Variants in BUB1 observed in about 807,000 individuals in gnomAD.
BUB1 encodes the protein mitotic checkpoint serine/threonine-protein kinase BUB1.
Under a neutral mutation model 135.2 loss-of-function variants are expected in BUB1, and 84 were observed. The ratio of observed to expected loss-of-function variants is 0.62; its 90% CI spans 0.52 to 0.74. BUB1 has a LOEUF of 0.74. BUB1 is among the 30% of genes least tolerant of loss of function. BUB1 has a pLI of 0.00. For synonymous variants in BUB1, 403 were observed against 434.4 expected, an observed-to-expected ratio of 0.93 and a Z score of 0.90; for missense variants, 1,162 against 1,288.3, an observed-to-expected ratio of 0.90 and a Z score of 1.50.
chr2:110,643,921 A>G (rs1173365245), intron 19 of BUB1, among the ~76,000 whole-genome samples: 2 of 152,050 alleles, frequency 1.3e-5, no homozygotes, highest in East Asian at 3.9e-4. Flanking sequence ...AGAAGCAAAA[A>G]AAGGTGCTAG....
intron 9 of BUB1, 185 bp downstream of exon 9, chr2:110,666,076 TTC>T: frequency 2.1e-6 from 1 of 469,074 alleles, no homozygotes; most frequent in South Asian, 1.1e-4. Flanking sequence ...CATACTACCA[TTC>T]TGTTTTGTAA....
At chr2:110,656,026 A>G (rs1689925804) in intron 15 of BUB1, 110 bp from the exon 16 acceptor site, 26 of 1,050,142 alleles carry the variant, frequency 2.5e-5, no homozygotes, top group Admixed American at 6.8e-5. Flanking sequence ...AAGAAGAAAC[A>G]GATGTCAACC....
rs1574311739 is a variant in BUB1 at position 110,638,779 on chromosome 2, T to G, written c.3063-620A>C. Among the ~76,000 whole-genome samples, 4 of 152,354 alleles carry G rather than the reference T, an allele frequency of 2.6e-5. 1 individual carries two copies. The South Asian group carries it at 8.3e-4, about 32-fold the overall frequency. On this transcript the variant is annotated intron_variant, in intron 24 of 24. Coordinates refer to ENST00000302759, the MANE Select transcript of BUB1 (RefSeq NM_004336.5). ...ATGAAACTATCTGTTCCTTCAATTT[T>G]GAGCCAAAGATGGAATAAAGTATTT...
At chr2:110,654,607 T>C (rs1345793320) in intron 16 of BUB1, among the ~76,000 whole-genome samples, 1 of 151,898 alleles carries the variant, frequency 6.6e-6, no homozygotes, top group Non-Finnish European at 1.5e-5. Context: ...ATTAAACTAC[T>C]TTTCCTGGAT....
At chr2:110,653,344 A>G in intron 17 of BUB1, 92 bp downstream of exon 17, 1 of 1,317,628 alleles carries the variant, frequency 7.6e-7, no homozygotes, top group Non-Finnish European at 1.1e-6. Flanking sequence ...GTATTCTATT[A>G]CAGCCTAAAA....
At chr2:110,667,768 T>A in intron 7 of BUB1, 29 bp downstream of exon 7, 1 of 1,610,680 alleles carries the variant, frequency 6.2e-7, no homozygotes, top group Non-Finnish European at 8.5e-7. Context: ...AGGAAACTAA[T>A]AATAGATTAA....
chr2:110,651,806 A>C (rs1405818391), intron 17 of BUB1, among the ~76,000 whole-genome samples: 1 of 152,150 alleles, frequency 6.6e-6, no homozygotes, highest in African/African-American at 2.4e-5. Flanking sequence ...ACAAATTCTT[A>C]CACCACTCTG....
chr2:110,641,529 A>G, intron 21 of BUB1, 65 bp from the exon 22 acceptor site: 1 of 1,558,972 alleles, frequency 6.4e-7, no homozygotes, highest in Non-Finnish European at 8.7e-7. Flanking sequence ...TCAAATTGAG[A>G]GCTTTGCCCC....
At chr2:110,646,998 A>G (rs573607453) in intron 19 of BUB1, among the ~76,000 whole-genome samples, 1 of 152,312 alleles carries the variant, frequency 6.6e-6, no homozygotes, top group African/African-American at 2.4e-5. Context: ...AGAAATAGAT[A>G]ATCTGAACAG....
intron 4 of BUB1, 113 bp downstream of exon 4, chr2:110,672,548 T>C: frequency 8.6e-7 from 1 of 1,165,282 alleles, no homozygotes; most frequent in Non-Finnish European, 1.2e-6. Flanking sequence ...ATTATCCACA[T>C]TGTCCAAAAC....
At chr2:110,641,241 C>A in intron 22 of BUB1, 36 bp from the exon 23 acceptor site, 1 of 1,586,040 alleles carries the variant, frequency 6.3e-7, no homozygotes, top group Non-Finnish European at 8.6e-7. Flanking sequence ...GCTGCATGAG[C>A]ACAAATGATG....
chr2:110,655,739 C>T lies in BUB1; in HGVS notation c.1876G>A (p.Glu626Lys). 6.2e-7 allele frequency: 1 copy of T among 1,612,590 alleles called. No individual in the cohort carries two copies. Among genetic ancestry groups the T allele is most frequent in the Non-Finnish European group, 8.5e-7 (1 of 1,178,882 alleles). The change falls in exon 16 of 25, where the codon GAA (glutamate) becomes AAA (lysine). Residue 626 changes from glutamate to lysine, a missense_variant and splice_region_variant. Coordinates refer to ENST00000302759, the MANE Select transcript of BUB1 (RefSeq NM_004336.5). The stretch of plus-strand genomic sequence containing the variant: ...GACACTAAAACAGTGTAACACACAC[C>T]TTTATCTTCTAAAATGTGCACTGAC... ...VESVHILEDK[E>K]NVVAKQCTQA...
intron 1 of BUB1, 53 bp downstream of exon 1, chr2:110,677,917 C>A: frequency 6.3e-7 from 1 of 1,579,048 alleles, no homozygotes; most frequent in South Asian, 1.1e-5. Context: ...CGGGCCCGAA[C>A]CCCAGGCGCC....
At chr2:110,675,816 T>C (rs1690564949) in intron 1 of BUB1, among the ~76,000 whole-genome samples, 1 of 152,152 alleles carries the variant, frequency 6.6e-6, no homozygotes. Flanking sequence ...CATGTCTGGC[T>C]AATTTTTTAT....
intron 5 of BUB1, among the ~76,000 whole-genome samples, chr2:110,670,126 G>GTTTTTTTTTTTTTTTTT (rs377459142): frequency 8.3e-6 from 1 of 120,860 alleles, no homozygotes; most frequent in African/African-American, 3.1e-5. Context: ...AATTGGATGG[G>GTTTTTTTTTTTTTTTTT]TTTTTTTTTT....
At chr2:110,646,630 C>T (rs796915905) in intron 19 of BUB1, among the ~76,000 whole-genome samples, 40 of 152,210 alleles carry the variant, frequency 2.6e-4, no homozygotes, top group African/African-American at 9.1e-4. Context: ...GTAAAGTCCC[C>T]CAAATACTTG....
chr2:110,639,771 T>G lies in BUB1; in HGVS notation c.3033A>C (p.Gly1011=). Residue 1011 remains glycine, a synonymous_variant, in exon 24 of 25, where the codon GGA becomes GGC. Coordinates refer to ENST00000302759, the MANE Select transcript of BUB1 (RefSeq NM_004336.5). ...TAAAAAGACCTTCAGGCTTACACTCTCCTCCTTCATTTTTCACTTTCATGT... is the reference window on the plus strand; with the variant it reads ...TAAAAAGACCTTCAGGCTTACACTCGCCTCCTTCATTTTTCACTTTCATGT... ...GTYMKVKNEG[G]ECKPEGLFRR... is the part of the protein sequence containing the mutation. 6.2e-7 allele frequency: 1 copy of G among 1,613,842 alleles called. No individual in the cohort carries two copies. The highest frequency in any genetic ancestry group is 8.5e-7 in the Non-Finnish European group (1 of 1,179,856).
rs1450716660 is a variant in BUB1, at chr2:110,657,645, T to C, written c.1517A>G (p.Lys506Arg). 1 of 1,558,376 alleles carries C rather than the reference T, an allele frequency of 6.4e-7. No individual in the cohort carries two copies. The highest frequency in any genetic ancestry group is 1.2e-5 in the South Asian group (1 of 81,744). The part of the protein sequence containing the change: ...NEDAFEAQFQ[K>R]NVRSSGAWGV... ...CCAAGCCCCAGATGACCTTACATTT[T>C]CTGCAACAGAATAAAAAATAGCATC... is the stretch of plus-strand genomic sequence containing the variant. The change falls in exon 14 of 25, where the codon AAA becomes AGA. Residue 506 changes from lysine to arginine, a missense_variant and splice_region_variant. Lys to Arg is a conservative substitution (Grantham distance 26). Transcript: ENST00000302759.
At chr2:110,641,561 C>T (rs1689504942) in intron 21 of BUB1, 81 bp downstream of exon 21, 3 of 1,556,492 alleles carry the variant, frequency 1.9e-6, no homozygotes, top group East Asian at 2.3e-5. Context: ...CCACAAAAGC[C>T]CCAACCACAA....
Sources: allele counts gnomAD v4.1 joint callset (sites outside exome capture counted in the v4.1 genomes callset), GRCh38; gene constraint gnomAD v4.1.1; transcripts MANE v1.5; gene names NCBI Gene and HGNC (gene_info 2026-07-23, HGNC 2026-07-21).